Variants in PDE4D observed in about 807,000 individuals in gnomAD.
PDE4D encodes the protein phosphodiesterase 4D.
A neutral mutation model predicts 87.4 loss-of-function variants in PDE4D; 24 were observed. The ratio of observed to expected loss-of-function variants is 0.27; its 90% CI spans 0.20 to 0.39. The LOEUF is 0.39. Among genes scored for constraint, PDE4D ranks in the 10% least tolerant of loss-of-function variants. The pLI is 1.00. For missense variants in PDE4D, 714 were observed against 1,041.0 expected (o/e 0.69, Z 4.32); for synonymous variants, 384 against 383.2 (o/e 1.00, Z -0.02).
chr5:60,038,164 A>G (rs1299396036), intron 2 of PDE4D, among the ~76,000 whole-genome samples: 2 of 152,080 alleles, frequency 1.3e-5, no homozygotes, highest in African/African-American at 4.8e-5. Context: ...TTTGGTTGCC[A>G]TTGCTTTTGG....
At chr5:59,142,303 A>G (rs1778007332) in intron 5 of PDE4D, among the ~76,000 whole-genome samples, 1 of 152,092 alleles carries the variant, frequency 6.6e-6, no homozygotes, top group Non-Finnish European at 1.5e-5. Context: ...TTTCCTCCCT[A>G]TAGAGTCTCC....
At chr5:59,290,442 T>C (rs1429061777) in intron 1 of PDE4D, among the ~76,000 whole-genome samples, 1 of 152,068 alleles carries the variant, frequency 6.6e-6, no homozygotes, top group Non-Finnish European at 1.5e-5. Flanking sequence ...GATGAAAGAC[T>C]TAAGTCTAAG....
chr5:59,427,050 T>C lies in PDE4D; in HGVS notation c.456-211082A>G, dbSNP rs199830057. 3.3e-4 allele frequency among the ~76,000 whole-genome samples: 27 copies of C among 81,184 alleles called. No individual in the cohort carries two copies. In the East Asian group the frequency reaches 7.4e-3, roughly 22 times the overall value. 53.3% of individuals were successfully genotyped at this position (81,184 alleles called of 152,430 possible). ...ACACACACACACACACACACACACA[T>C]TACATATATACAAATATATACTTTT... On this transcript the variant is annotated intron_variant, in intron 1 of 14. Transcript: ENST00000340635.
At chr5:59,678,754 C>T (rs1440724590) in intron 1 of PDE4D, among the ~76,000 whole-genome samples, 1 of 152,172 alleles carries the variant, frequency 6.6e-6, no homozygotes, top group Non-Finnish European at 1.5e-5. Context: ...AGCCACCGCA[C>T]CTGGCCTGTT....
At chr5:59,010,848 C>G (rs112663480) in intron 6 of PDE4D, among the ~76,000 whole-genome samples, 1 of 152,146 alleles carries the variant, frequency 6.6e-6, no homozygotes, top group Non-Finnish European at 1.5e-5. Context: ...CTTCCTCAAG[C>G]GGGTCCCTGA....
chr5:60,399,027 G>C (rs1024077244), intron 1 of PDE4D, among the ~76,000 whole-genome samples: 4 of 152,140 alleles, frequency 2.6e-5, no homozygotes, highest in Admixed American at 2.6e-4. Context: ...TCTATAATTT[G>C]ATTATTTATA....
intron 3 of PDE4D, among the ~76,000 whole-genome samples, chr5:59,952,258 A>G (rs1541962): frequency 0.85 from 129,068 of 152,092 alleles, 54,821 homozygotes; most frequent in East Asian, 0.97. Flanking sequence ...GTGTCAATTA[A>G]CCCTCTTTTC....
At chr5:59,737,750 T>A (rs1422769659) in intron 1 of PDE4D, among the ~76,000 whole-genome samples, 1 of 152,122 alleles carries the variant, frequency 6.6e-6, no homozygotes, top group Non-Finnish European at 1.5e-5. Flanking sequence ...AATGTTTAAA[T>A]CATTAGCTGG....
chr5:59,045,493 C>T (rs1283166414), intron 5 of PDE4D, among the ~76,000 whole-genome samples: 1 of 139,462 alleles, frequency 7.2e-6, no homozygotes, highest in Admixed American at 8.2e-5. Context: ...ATAGAGGTTG[C>T]AGTGAGCAGA....
chr5:59,467,932 T>C (rs1801824281), intron 1 of PDE4D, among the ~76,000 whole-genome samples: 1 of 152,054 alleles, frequency 6.6e-6, no homozygotes, highest in Non-Finnish European at 1.5e-5. Context: ...TTCATAGCTA[T>C]ACACATGAAA....
chr5:59,272,978 C>T lies in PDE4D; in HGVS notation c.456-57010G>A, dbSNP rs574050158. ...CGTAATGTTTGGCTTTAGGGAATCC[C>T]GGAGGACAGTAGACAGATTTGGAGA... is the stretch of plus-strand genomic sequence containing the variant. On this transcript the variant is annotated intron_variant, in intron 1 of 14. Coordinates refer to ENST00000340635, the MANE Select transcript of PDE4D (RefSeq NM_001104631.2). 4.6e-5 allele frequency among the ~76,000 whole-genome samples: 7 copies of T among 152,108 alleles called. 1 individual carries two copies. The South Asian group carries it at 8.3e-4, about 18-fold the overall frequency.
intron 1 of PDE4D, among the ~76,000 whole-genome samples, chr5:59,684,354 A>G (rs1749513079): frequency 6.6e-6 from 1 of 152,166 alleles, no homozygotes; most frequent in South Asian, 2.1e-4. Context: ...TCTCCCCCAC[A>G]GAGCATAGAA....
At chr5:59,458,487 G>A (rs2153644944) in intron 1 of PDE4D, among the ~76,000 whole-genome samples, 1 of 152,316 alleles carries the variant, frequency 6.6e-6, no homozygotes, top group East Asian at 1.9e-4. Flanking sequence ...CTGAAACAAA[G>A]TAGGCGCTAC....
chr5:59,271,322 A>G (rs1763806853), intron 1 of PDE4D, among the ~76,000 whole-genome samples: 1 of 152,188 alleles, frequency 6.6e-6, no homozygotes, highest in Non-Finnish European at 1.5e-5. Context: ...TACAGGAGCA[A>G]GCTACGCCGC....
At chr5:60,364,308 T>C (rs1760340202) in intron 1 of PDE4D, among the ~76,000 whole-genome samples, 1 of 152,160 alleles carries the variant, frequency 6.6e-6, no homozygotes, top group African/African-American at 2.4e-5. Flanking sequence ...TATCAGAAGA[T>C]CATTGTCAAC....
intron 1 of PDE4D, among the ~76,000 whole-genome samples, chr5:59,890,570 A>G (rs1296329601): frequency 1.3e-5 from 2 of 152,180 alleles, no homozygotes; most frequent in East Asian, 3.8e-4. Context: ...TTCAGGCTTT[A>G]TGTCCTGTAG....
intron 1 of PDE4D, among the ~76,000 whole-genome samples, chr5:59,258,973 C>G (rs1761482633): frequency 6.6e-6 from 1 of 151,278 alleles, no homozygotes; most frequent in Non-Finnish European, 1.5e-5. Context: ...TAAGTTTTAC[C>G]TAGAACTGTT....
At chr5:59,950,031 T>C (rs1302153805) in intron 3 of PDE4D, among the ~76,000 whole-genome samples, 1 of 152,220 alleles carries the variant, frequency 6.6e-6, no homozygotes, top group Non-Finnish European at 1.5e-5. Flanking sequence ...AAAGCTTCTT[T>C]AAGGAAGATT....
chr5:59,991,310 A>G (rs1372511917), intron 2 of PDE4D, among the ~76,000 whole-genome samples: 1 of 152,048 alleles, frequency 6.6e-6, no homozygotes, highest in Non-Finnish European at 1.5e-5. Context: ...GTCTGCAGAG[A>G]CTAAAGACAA....
Sources: allele counts gnomAD v4.1 joint callset (sites outside exome capture counted in the v4.1 genomes callset), GRCh38; gene constraint gnomAD v4.1.1; transcripts MANE v1.5; gene names NCBI Gene and HGNC (gene_info 2026-07-23, HGNC 2026-07-21).